Variants in SRGAP3 observed in about 807,000 individuals in gnomAD.
SRGAP3 encodes the protein SLIT-ROBO Rho GTPase-activating protein 3.
In SRGAP3, 39 loss-of-function variants were observed where a neutral mutation model predicts 121.1. The observed-to-expected ratio is 0.32, with a 90% confidence interval of 0.25 to 0.42. The LOEUF (loss-of-function observed/expected upper bound fraction) is 0.42, where lower values mean the gene tolerates loss of function less well. Among genes scored for constraint, SRGAP3 ranks in the 10% least tolerant of loss-of-function variants. The probability of loss-of-function intolerance (pLI) is 1.00; values close to 1 mark genes in which losing one functional copy is unlikely to be tolerated. For synonymous variants in SRGAP3, 601 were observed against 570.0 expected (o/e 1.05, Z -0.77); for missense variants, 1,213 against 1,470.6 (o/e 0.82, Z 2.86).
intron 3 of SRGAP3, among the ~76,000 whole-genome samples, chr3:9,311,728 G>A (rs1016296144): frequency 3.3e-5 from 5 of 152,096 alleles, no homozygotes; most frequent in Non-Finnish European, 7.4e-5. Context: ...CACAGGCTGC[G>A]TTTGGCCTGC....
At chr3:9,213,321 A>G (rs1574879785) in intron 1 of SRGAP3, among the ~76,000 whole-genome samples, 2 of 114,112 alleles carry the variant, frequency 1.8e-5, no homozygotes, top group East Asian at 4.5e-4. Context: ...CAAAACCTGC[A>G]TCATCTGAAA....
intron 1 of SRGAP3, among the ~76,000 whole-genome samples, chr3:9,153,693 AAG>A (rs1438982154): frequency 6.6e-6 from 1 of 152,190 alleles, no homozygotes; most frequent in Admixed American, 6.5e-5. Flanking sequence ...CATGGAGGGA[AAG>A]AGAGTGACAA....
chr3:8,989,603 A>G (rs1941917771), intron 21 of SRGAP3, among the ~76,000 whole-genome samples: 2 of 152,180 alleles, frequency 1.3e-5, no homozygotes, highest in South Asian at 4.1e-4. Context: ...AACACTAGGG[A>G]GAGGGTACAT....
chr3:9,088,677 C>T (rs192398608), intron 3 of SRGAP3, among the ~76,000 whole-genome samples: 1 of 152,318 alleles, frequency 6.6e-6, no homozygotes, highest in Non-Finnish European at 1.5e-5. Flanking sequence ...ACAAGGCTTC[C>T]AAGTGGCAGC....
At chr3:9,130,006 C>T (rs1949383812) in intron 1 of SRGAP3, among the ~76,000 whole-genome samples, 2 of 152,254 alleles carry the variant, frequency 1.3e-5, no homozygotes, top group African/African-American at 2.4e-5. Flanking sequence ...AGGTGATCTG[C>T]CCACCTCGGC....
At chr3:9,149,213 CAAAAAAAAAAAA>C (rs548286364) in intron 1 of SRGAP3, among the ~76,000 whole-genome samples, 2 of 56,612 alleles carry the variant, frequency 3.5e-5, no homozygotes, top group South Asian at 5.7e-4. Flanking sequence ...GACTCCGTCT[CAAAAAAAAAAAA>C]AAAAAAGAAA....
At chr3:9,071,052 C>A (rs1406460775) in intron 4 of SRGAP3, among the ~76,000 whole-genome samples, 2 of 152,148 alleles carry the variant, frequency 1.3e-5, no homozygotes. Flanking sequence ...GTGTCCCAGA[C>A]AAAGGGAGCA....
At chr3:9,044,338 A>G (rs376471862) in intron 10 of SRGAP3, among the ~76,000 whole-genome samples, 6 of 152,324 alleles carry the variant, frequency 3.9e-5, no homozygotes, top group East Asian at 3.9e-4. Context: ...GGCAGCTACT[A>G]AGTGGCCAGT....
At chr3:9,049,729 T>C (rs1351007390) in intron 9 of SRGAP3, among the ~76,000 whole-genome samples, 2 of 151,694 alleles carry the variant, frequency 1.3e-5, no homozygotes, top group African/African-American at 4.8e-5. Flanking sequence ...CCAGAAGTGT[T>C]CACAATTCCA....
chr3:9,060,678 C>T (rs1946114611), intron 5 of SRGAP3, among the ~76,000 whole-genome samples: 1 of 152,064 alleles, frequency 6.6e-6, no homozygotes, highest in Non-Finnish European at 1.5e-5. Flanking sequence ...GGCCTCAAGC[C>T]ATCCTCCCAC....
At chr3:9,096,847 G>T (rs532626798) in intron 3 of SRGAP3, among the ~76,000 whole-genome samples, 7 of 142,956 alleles carry the variant, frequency 4.9e-5, no homozygotes, top group Non-Finnish European at 1.1e-4. Context: ...TCTTCTCAAA[G>T]TCCAAATAAT....
intron 3 of SRGAP3, among the ~76,000 whole-genome samples, chr3:9,095,445 G>C (rs2124874581): frequency 6.6e-6 from 1 of 152,102 alleles, no homozygotes; most frequent in Non-Finnish European, 1.5e-5. Context: ...AAGCTTTCCA[G>C]AATAAATTTC....
intron 20 of SRGAP3, among the ~76,000 whole-genome samples, chr3:8,991,518 G>T (rs1302165970): frequency 6.6e-6 from 1 of 152,184 alleles, no homozygotes; most frequent in East Asian, 1.9e-4. Flanking sequence ...TTTCAGGAAG[G>T]TGAGTTCTTG....
At chr3:9,016,404 C>T (rs976524727) in intron 14 of SRGAP3, among the ~76,000 whole-genome samples, 5 of 152,176 alleles carry the variant, frequency 3.3e-5, no homozygotes, top group African/African-American at 1.2e-4. Context: ...GAATGCCTCA[C>T]ACTCTGGATT....
intron 2 of SRGAP3, among the ~76,000 whole-genome samples, chr3:9,118,691 G>GC (rs59590687): frequency 0.032 from 4,704 of 148,948 alleles, 225 homozygotes; most frequent in African/African-American, 0.11. Context: ...AGATTGCCAG[G>GC]CCCCCCCCCC....
At position 9,143,655 on chromosome 3, in the gene SRGAP3, A is replaced by G. The variant is rs149610784; in HGVS notation, c.68-18738T>C. ...GTCTGTGTTTGAAAGGTTGGGGTGC[A>G]CTGTCAAAACCATGATCATGACAAG... On this transcript the variant is annotated intron_variant, in intron 1 of 21. Transcript: ENST00000383836. Among the ~76,000 whole-genome samples the G allele has an allele frequency of 5.9e-5, 9 of 152,292 alleles. No individual in the cohort carries two copies. In the East Asian group the frequency reaches 1.7e-3, roughly 29 times the overall value.
chr3:9,040,848 A>T (rs184375031), intron 10 of SRGAP3, among the ~76,000 whole-genome samples: 1 of 152,206 alleles, frequency 6.6e-6, no homozygotes, highest in African/African-American at 2.4e-5. Context: ...CATGTAGCTT[A>T]TCATTAATAT....
At chr3:9,357,615 G>A (rs1187743836) in intron 1 of SRGAP3, among the ~76,000 whole-genome samples, 1 of 150,994 alleles carries the variant, frequency 6.6e-6, no homozygotes, top group Non-Finnish European at 1.5e-5. Context: ...AAAAAAAAGA[G>A]TATAAAATGG....
chr3:9,266,394 T>C (rs975766155), intron 3 of SRGAP3, among the ~76,000 whole-genome samples: 1 of 151,916 alleles, frequency 6.6e-6, no homozygotes, highest in Admixed American at 6.6e-5. Context: ...AAAATCTAAA[T>C]AGCCACATGT....
Sources: gnomAD v4.1 joint callset for allele counts (sites outside exome capture counted in the v4.1 genomes callset) on GRCh38, gnomAD v4.1.1 for gene constraint, MANE v1.5 for transcripts, NCBI Gene and HGNC (gene_info 2026-07-23, HGNC 2026-07-21) for gene names.